Variants in CHM observed in about 807,000 individuals in gnomAD.
The protein encoded by CHM is CHM Rab escort protein, also known as rab proteins geranylgeranyltransferase component A 1.
CHM carries 10 observed loss-of-function variants against 49.0 expected under a neutral mutation model. That is an observed-to-expected ratio of 0.20 (90% CI 0.13 to 0.35). CHM has a LOEUF of 0.35. Among genes scored for constraint, CHM ranks in the 10% least tolerant of loss-of-function variants. The pLI, the probability that CHM is intolerant of heterozygous loss-of-function variation, is 1.00. For synonymous variants in CHM, 184 were observed against 167.5 expected (o/e 1.10, Z -0.76); for missense variants, 455 against 478.4 (o/e 0.95, Z 0.46).
At chrX:85,912,781 G>A (rs890743807) in intron 8 of CHM, among the ~76,000 whole-genome samples, 1 of 110,815 alleles carries the variant, frequency 9.0e-6, no homozygotes, top group Admixed American at 9.6e-5. Flanking sequence ...GGGAGGCCGA[G>A]GCAGGCGGAT....
At position 85,862,283 on chromosome X, in the gene CHM, T is replaced by C. The variant is rs749557526; in HGVS notation, c.*2347A>G. 39 of 112,578 alleles carry C rather than the reference T, an allele frequency of 3.5e-4. 1 individual carries two copies. The highest frequency in any genetic ancestry group is 3.0e-4 in the Non-Finnish European group (16 of 53,262). 9.3% of individuals were successfully genotyped at this position (112,578 alleles called of 1,213,427 possible). Reference sequence around the variant, plus strand: ...TGTGGTTATTCTAGGCCTACCCTGATTGTCTGTTTACATGAATGTGCATGC... The same window carrying C: ...TGTGGTTATTCTAGGCCTACCCTGACTGTCTGTTTACATGAATGTGCATGC... On this transcript the variant is annotated 3_prime_UTR_variant, in exon 15 of 15. Transcript: ENST00000357749.
chrX:85,981,528 C>T (rs1931613309), intron 3 of CHM, among the ~76,000 whole-genome samples: 1 of 110,766 alleles, frequency 9.0e-6, no homozygotes, highest in African/African-American at 3.3e-5. Context: ...GCCATCGCAC[C>T]CGAGCTCTAT....
intron 4 of CHM, chrX:85,970,565 T>G: frequency 1.3e-4 from 51 of 389,453 alleles, no homozygotes; most frequent in Non-Finnish European, 1.6e-4. Context: ...CTGCTATCTC[T>G]AGCATTCCTT....
chrX:85,874,856 C>T (rs940226098), intron 13 of CHM, among the ~76,000 whole-genome samples: 7 of 111,562 alleles, frequency 6.3e-5, no homozygotes, highest in African/African-American at 1.9e-4. Flanking sequence ...TTTAGTTACA[C>T]GAATCTTATG....
At chrX:86,008,610 CA>C (rs1932928376) in intron 2 of CHM, among the ~76,000 whole-genome samples, 1 of 111,596 alleles carries the variant, frequency 9.0e-6, no homozygotes, top group Non-Finnish European at 1.9e-5. Context: ...CCTTAATAAA[CA>C]GCTATTGTAC....
intron 12 of CHM, among the ~76,000 whole-genome samples, chrX:85,887,272 G>C (rs1234522050): frequency 9.0e-6 from 1 of 110,776 alleles, no homozygotes; most frequent in Non-Finnish European, 1.9e-5. Context: ...CTGTTCTTGT[G>C]ACAGTGAATA....
chrX:86,031,231 A>C (rs1934030452), intron 1 of CHM, among the ~76,000 whole-genome samples: 1 of 111,911 alleles, frequency 8.9e-6, no homozygotes, highest in African/African-American at 3.2e-5. Context: ...TGAAAGAAGA[A>C]TAATTTCTAA....
intron 1 of CHM, among the ~76,000 whole-genome samples, chrX:86,032,111 T>C (rs2147797407): frequency 8.9e-6 from 1 of 112,129 alleles, no homozygotes. Flanking sequence ...AAAAGTGAAC[T>C]ACTACTCAAG....
chrX:85,899,680 A>ACCCCCC (rs374034736), intron 11 of CHM, among the ~76,000 whole-genome samples: 2 of 49,573 alleles, frequency 4.0e-5, no homozygotes, highest in Non-Finnish European at 3.6e-5. Flanking sequence ...CTCTAAACCC[A>ACCCCCC]CCCCCCGCCC....
chrX:86,027,964 T>C (rs1933900498), intron 1 of CHM, among the ~76,000 whole-genome samples: 2 of 111,853 alleles, frequency 1.8e-5, no homozygotes, highest in African/African-American at 6.5e-5. Flanking sequence ...GGTTTCACCA[T>C]GTTGGCCAGG....
chrX:86,008,807 C>G (rs1932937272), intron 2 of CHM, among the ~76,000 whole-genome samples: 1 of 112,107 alleles, frequency 8.9e-6, no homozygotes, highest in Non-Finnish European at 1.9e-5. Flanking sequence ...ATGGACATGT[C>G]TGTTTTCCGA....
At chrX:86,031,457 C>T (rs1934041216) in intron 1 of CHM, among the ~76,000 whole-genome samples, 1 of 111,872 alleles carries the variant, frequency 8.9e-6, no homozygotes, top group African/African-American at 3.2e-5. Flanking sequence ...ATGGTCAAAT[C>T]AGGGTTTCAA....
intron 13 of CHM, among the ~76,000 whole-genome samples, chrX:85,878,402 C>T (rs1371652653): frequency 3.7e-5 from 4 of 108,935 alleles, no homozygotes; most frequent in East Asian, 2.9e-4. Context: ...ATTGCTTGAA[C>T]GTGGGAGGTG....
chrX:85,951,033 T>C (rs1209037291), intron 8 of CHM, among the ~76,000 whole-genome samples: 1 of 111,924 alleles, frequency 8.9e-6, no homozygotes. Flanking sequence ...CTCAGTAAAC[T>C]TCCACTCAAG....
intron 14 of CHM, among the ~76,000 whole-genome samples, chrX:85,866,920 CTTTTGATTTTACAGG>C (rs1412265514): frequency 8.9e-6 from 1 of 112,731 alleles, no homozygotes; most frequent in East Asian, 2.8e-4. Context: ...AACTAACTTG[CTTTTGATTTTACAGG>C]TTCATAGGCA....
chrX:85,933,171 G>GA (rs1031392781), intron 8 of CHM, among the ~76,000 whole-genome samples: 8 of 110,578 alleles, frequency 7.2e-5, no homozygotes, highest in Non-Finnish European at 1.5e-4. Context: ...TCGCACCTCT[G>GA]AAGAGCCATT....
Position 85,937,630 on chromosome X carries a change from G to A in CHM, c.1166+18523C>T, listed in dbSNP as rs185571735. Among the ~76,000 whole-genome samples the A allele has an allele frequency of 3.0e-3, 333 of 109,500 alleles. 1 individual carries two copies. The highest frequency in any genetic ancestry group is 4.7e-3 in the Non-Finnish European group (246 of 52,684). The stretch of plus-strand genomic sequence containing the variant: ...AGGCTGAGGTGGGCAGACCACTTGA[G>A]GTCAGGAGTGCGAGACCAGCCTGGG... On this transcript the variant is annotated intron_variant, in intron 8 of 14. Transcript: ENST00000357749.
chrX:85,984,579 G>A (rs942670964), intron 2 of CHM, among the ~76,000 whole-genome samples: 1 of 111,618 alleles, frequency 9.0e-6, no homozygotes, highest in Non-Finnish European at 1.9e-5. Flanking sequence ...CCCACCTTAT[G>A]ATCGAGTAAT....
chrX:85,948,950 CAG>C (rs1295544065), intron 8 of CHM, among the ~76,000 whole-genome samples: 1 of 111,850 alleles, frequency 8.9e-6, no homozygotes, highest in African/African-American at 3.2e-5. Flanking sequence ...AATTCACAGA[CAG>C]ACTCTTGTAT....
Sources: allele counts gnomAD v4.1 joint callset (sites outside exome capture counted in the v4.1 genomes callset), GRCh38; gene constraint gnomAD v4.1.1; transcripts MANE v1.5; gene names NCBI Gene and HGNC (gene_info 2026-07-23, HGNC 2026-07-21).